The following MMP16 variants were observed in gnomAD, a reference collection of about 807,000 sequenced individuals.
MMP16 encodes the protein matrix metalloproteinase-16.
A neutral mutation model predicts 67.8 loss-of-function variants in MMP16; 12 were observed. That is an observed-to-expected ratio of 0.18 (90% CI 0.11 to 0.29). The LOEUF (loss-of-function observed/expected upper bound fraction) is 0.29. Ranked by LOEUF, MMP16 falls within the 10% of genes least tolerant of loss-of-function variation. The pLI, the probability that MMP16 is intolerant of heterozygous loss-of-function variation, is 1.00. For missense variants in MMP16, 475 were observed against 765.7 expected, an observed-to-expected ratio of 0.62 and a Z score of 4.48; for synonymous variants, 249 against 255.9, an observed-to-expected ratio of 0.97 and a Z score of 0.26.
intron 1 of MMP16, among the ~76,000 whole-genome samples, chr8:88,211,833 T>C (rs1037350769): frequency 1.3e-5 from 2 of 152,206 alleles, no homozygotes; most frequent in Non-Finnish European, 2.9e-5. Context: ...CAAAACACTA[T>C]GATTGCTATG....
At chr8:88,105,381 G>T (rs918695889) in intron 6 of MMP16, among the ~76,000 whole-genome samples, 1 of 151,392 alleles carries the variant, frequency 6.6e-6, no homozygotes, top group African/African-American at 2.4e-5. Flanking sequence ...TCTCCTGTTT[G>T]TTGTAACGCA....
Position 88,327,324 on chromosome 8 carries a change from G to C in MMP16, c.-118C>G. On this transcript the variant is annotated 5_prime_UTR_variant, in exon 1 of 10. Transcript: ENST00000286614. The stretch of plus-strand genomic sequence containing the variant: ...CCTCCGGGTGGGTAAGGAGCCTGCA[G>C]GTTCACCCACAGCCGGGCAAGGGGA... The C allele has an allele frequency of 7.2e-7, 1 of 1,397,956 alleles. No homozygotes were observed. Among genetic ancestry groups the C allele is most frequent in the African/African-American group, 1.4e-5 (1 of 70,418 alleles). 86.6% of individuals were successfully genotyped at this position (1,397,956 alleles called of 1,614,324 possible). A position where few individuals can be genotyped will look rare whatever the true frequency, so the allele number is the denominator to read the frequency against.
At chr8:88,309,583 C>T (rs1044105607) in intron 1 of MMP16, among the ~76,000 whole-genome samples, 4 of 151,908 alleles carry the variant, frequency 2.6e-5, no homozygotes, top group Non-Finnish European at 5.9e-5. Flanking sequence ...CCATGTGTTT[C>T]GTTACTCCTA....
At chr8:88,290,958 A>C (rs1031890194) in intron 1 of MMP16, among the ~76,000 whole-genome samples, 1 of 152,238 alleles carries the variant, frequency 6.6e-6, no homozygotes, top group African/African-American at 2.4e-5. Flanking sequence ...AATGAGTAAA[A>C]CCTTGCTTAA....
At chr8:88,319,202 C>A (rs1417044345) in intron 1 of MMP16, among the ~76,000 whole-genome samples, 3 of 152,074 alleles carry the variant, frequency 2.0e-5, no homozygotes, top group Non-Finnish European at 4.4e-5. Flanking sequence ...ACAAGGAATA[C>A]CCAAACCTCC....
chr8:88,067,326 G>C (rs1035892812), intron 7 of MMP16, among the ~76,000 whole-genome samples: 2 of 151,926 alleles, frequency 1.3e-5, no homozygotes, highest in Non-Finnish European at 2.9e-5. Context: ...AACAACGAAG[G>C]AATCAAATTG....
At chr8:88,245,292 C>T (rs1810096399) in intron 1 of MMP16, among the ~76,000 whole-genome samples, 1 of 152,110 alleles carries the variant, frequency 6.6e-6, no homozygotes, top group Non-Finnish European at 1.5e-5. Context: ...CAGGCTGTTC[C>T]TCACTATAAA....
intron 9 of MMP16, among the ~76,000 whole-genome samples, chr8:88,045,178 A>G (rs1808182392): frequency 6.6e-6 from 1 of 152,216 alleles, no homozygotes; most frequent in African/African-American, 2.4e-5. Context: ...CTCTGCCTAC[A>G]GTGTTCCACT....
chr8:88,275,168 C>G (rs1810626142), intron 1 of MMP16, among the ~76,000 whole-genome samples: 1 of 151,920 alleles, frequency 6.6e-6, no homozygotes, highest in Admixed American at 6.6e-5. Flanking sequence ...CTATGAGGAT[C>G]AAATTGCAGC....
chr8:88,246,905 T>C (rs1220815013), intron 1 of MMP16, among the ~76,000 whole-genome samples: 1 of 152,208 alleles, frequency 6.6e-6, no homozygotes, highest in Non-Finnish European at 1.5e-5. Context: ...CAATTTTACA[T>C]TGAATTTCAT....
At chr8:88,131,511 G>C (rs569490342) in intron 4 of MMP16, among the ~76,000 whole-genome samples, 1 of 151,788 alleles carries the variant, frequency 6.6e-6, no homozygotes, top group South Asian at 2.1e-4. Flanking sequence ...ACTATTCATA[G>C]GAGATACAAG....
intron 6 of MMP16, among the ~76,000 whole-genome samples, chr8:88,088,084 A>ATATAATAGATATCTATATATC (rs1808871511): frequency 1.8e-5 from 2 of 113,764 alleles, no homozygotes; most frequent in African/African-American, 3.5e-5. Flanking sequence ...CTATATATCT[A>ATATAATAGATATCTATATATC]TATATAATAG....
intron 1 of MMP16, among the ~76,000 whole-genome samples, chr8:88,228,993 C>G (rs971898778): frequency 6.8e-6 from 1 of 147,406 alleles, no homozygotes; most frequent in Non-Finnish European, 1.5e-5. Context: ...GACCTCGTCT[C>G]TATGAAAATA....
chr8:88,271,829 T>C (rs1810568069), intron 1 of MMP16, among the ~76,000 whole-genome samples: 1 of 152,136 alleles, frequency 6.6e-6, no homozygotes, highest in Non-Finnish European at 1.5e-5. Context: ...AACAAACACA[T>C]GAGAACTTGG....
intron 1 of MMP16, among the ~76,000 whole-genome samples, chr8:88,265,723 CA>C (rs1376523650): frequency 6.6e-6 from 1 of 152,068 alleles, no homozygotes; most frequent in East Asian, 1.9e-4. Context: ...TTAGCTAGTC[CA>C]TGACTATAGG....
In MMP16 at chr8:88,032,346, G is replaced by A. The variant is rs1807997064; in HGVS notation, c.*9115C>T. On this transcript the variant is annotated 3_prime_UTR_variant, in exon 10 of 10. Transcript: ENST00000286614. ...AGCATTGTAAACATAAGTACTTTGT[G>A]GAAAAGTTCAGTCATGTTAATGGTC... The A allele has an allele frequency of 6.6e-6, 1 of 152,046 alleles. No individual in the cohort carries two copies. Among genetic ancestry groups the A allele is most frequent in the Non-Finnish European group, 1.5e-5 (1 of 68,016 alleles). 9.4% of individuals were successfully genotyped at this position (152,046 alleles called of 1,614,324 possible).
At chr8:88,268,161 G>T (rs1810508107) in intron 1 of MMP16, among the ~76,000 whole-genome samples, 1 of 152,126 alleles carries the variant, frequency 6.6e-6, no homozygotes, top group Non-Finnish European at 1.5e-5. Context: ...TGACCAACAT[G>T]GAGAAACCCT....
At chr8:88,167,115 G>C (rs1450730830) in intron 4 of MMP16, among the ~76,000 whole-genome samples, 2 of 152,052 alleles carry the variant, frequency 1.3e-5, no homozygotes, top group Non-Finnish European at 2.9e-5. Flanking sequence ...AGGAGGCTGA[G>C]GTAGGAGAAT....
intron 6 of MMP16, among the ~76,000 whole-genome samples, chr8:88,097,624 T>TAAAA (rs1809051395): frequency 7.8e-5 from 2 of 25,560 alleles, no homozygotes; most frequent in African/African-American, 3.2e-4. Context: ...AAACCCTGTC[T>TAAAA]CAAAAAAAAA....
Sources: allele counts gnomAD v4.1 joint callset (sites outside exome capture counted in the v4.1 genomes callset), GRCh38; gene constraint gnomAD v4.1.1; transcripts MANE v1.5; gene names NCBI Gene and HGNC (gene_info 2026-07-23, HGNC 2026-07-21).